Variants in MAN1B1 observed in about 807,000 individuals in gnomAD.
The protein encoded by MAN1B1 is endoplasmic reticulum mannosyl-oligosaccharide 1,2-alpha-mannosidase.
MAN1B1 carries 66 observed loss-of-function variants against 75.5 expected under a neutral mutation model. The observed-to-expected ratio is 0.87, with a 90% CI of 0.72 to 1.07. The LOEUF (loss-of-function observed/expected upper bound fraction) is 1.07, where lower values mean the gene tolerates loss of function less well. Among genes scored for constraint, MAN1B1 ranks in the 50% least tolerant of loss-of-function variants. The probability of loss-of-function intolerance (pLI) is 0.00; values close to 1 mark genes in which losing one functional copy is unlikely to be tolerated. For missense variants in MAN1B1, 973 were observed against 912.5 expected (o/e 1.07, Z -0.85); for synonymous variants, 453 against 382.8 (o/e 1.18, Z -2.14).
rs1038179177 is a variant in MAN1B1, at chr9:137,101,116, A to G, written c.1028A>G (p.Tyr343Cys). 3.1e-6 allele frequency: 5 copies of G among 1,614,086 alleles called. No homozygotes were observed. Among genetic ancestry groups the G allele is most frequent in the East Asian group, 4.5e-5 (2 of 44,890 alleles). The change falls in exon 7 of 13, where the codon TAC becomes TGC. Residue 343 changes from tyrosine to cysteine, a missense_variant. Physicochemically the swap from Tyr to Cys is radical, Grantham distance 194. Transcript: ENST00000371589. ...IRILGGLLSA[Y>C]HLSGDSLFLR... ...ATCCTGGGGGGGCTCCTGAGTGCCT[A>G]CCACCTGTCTGGGGACAGCCTCTTC...
At chr9:137,096,987 G>A (rs1830668952) in intron 4 of MAN1B1, among the ~76,000 whole-genome samples, 2 of 152,258 alleles carry the variant, frequency 1.3e-5, no homozygotes, top group South Asian at 4.1e-4. Context: ...GGGCTGCTGT[G>A]CAGGAGTGGC....
chr9:137,108,571 C>T lies in MAN1B1; in HGVS notation c.2080C>T (p.Pro694Ser). The change falls in exon 13 of 13, where the codon CCT becomes TCT. Residue 694 changes from proline (P) to serine (S), a missense_variant. By Grantham distance (74) the Pro-to-Ser change is moderately conservative. Transcript: ENST00000371589. The part of the protein sequence containing the change: ...YVFNTEAHPL[P>S]IWTPA Reference sequence around the variant, plus strand: ...GTTCAACACCGAAGCCCACCCTCTGCCTATCTGGACCCCTGCCTAGGGTGG... The same window carrying T: ...GTTCAACACCGAAGCCCACCCTCTGTCTATCTGGACCCCTGCCTAGGGTGG... The T allele has an allele frequency of 6.2e-7, 1 of 1,613,828 alleles. No homozygotes were observed. The highest frequency in any genetic ancestry group is 1.6e-4 in the Middle Eastern group (1 of 6,062).
chr9:137,099,139 T>A (rs930212736), intron 5 of MAN1B1, among the ~76,000 whole-genome samples: 2 of 152,010 alleles, frequency 1.3e-5, no homozygotes, highest in African/African-American at 4.8e-5. Context: ...CAAAAAAATT[T>A]AAAAAAAGGG....
intron 2 of MAN1B1, chr9:137,088,455 C>A: frequency 6.6e-7 from 1 of 1,525,628 alleles, no homozygotes; most frequent in Non-Finnish European, 8.8e-7. Flanking sequence ...TGGGCTTGAA[C>A]ACTCAGCCTA....
At chr9:137,101,895 A>T (rs111528808) in intron 8 of MAN1B1, 1 of 497,784 alleles carries the variant, frequency 2.0e-6, no homozygotes, top group Non-Finnish European at 3.4e-6. Flanking sequence ...ACACATTCAC[A>T]CTGTTGCAGG....
chr9:137,103,559 GGT>G (rs1830976653), intron 8 of MAN1B1: 1 of 445,992 alleles, frequency 2.2e-6, no homozygotes, highest in African/African-American at 2.0e-5. Context: ...CGTGCAGGTT[GGT>G]GTTACACACA....
In MAN1B1 at chr9:137,097,829, T is replaced by C. The variant is rs1412932613; in HGVS notation, c.622T>C (p.Trp208Arg). Residue 208 changes from tryptophan (W) to arginine (R), a missense_variant and splice_region_variant, in exon 5 of 13, where the codon TGG (tryptophan) becomes CGG (arginine). Trp to Arg is a moderately radical substitution (Grantham distance 101). Coordinates refer to ENST00000371589, the MANE Select transcript of MAN1B1 (RefSeq NM_016219.5). ...GACACCCTTCCTTCTCCCCCGAAGC[T>C]GGAGGGGAGCGGTGATCGAGCCTGA... ...EGDPQRTVIS[W>R]RGAVIEPEQG... The C allele has an allele frequency of 7.1e-6, 11 of 1,552,654 alleles. No homozygotes were observed. Among genetic ancestry groups the C allele is most frequent in the Non-Finnish European group, 9.6e-6 (11 of 1,147,810 alleles).
chr9:137,108,704 G>A lies in MAN1B1; in HGVS notation c.*113G>A, dbSNP rs762819985. On this transcript the variant is annotated 3_prime_UTR_variant, in exon 13 of 13. Coordinates refer to ENST00000371589, the MANE Select transcript of MAN1B1 (RefSeq NM_016219.5). ...GCAACCGCCAAGTGGCCCAGGCTCT[G>A]AACTGGCTCTGGGCTCCTCCTCGTC... 74 of 987,680 alleles carry A rather than the reference G, an allele frequency of 7.5e-5. No homozygotes were observed. Among genetic ancestry groups the A allele is most frequent in the Non-Finnish European group, 1.1e-4 (67 of 620,382 alleles). The allele number at this position is 987,680 out of a possible 1,614,324, so 61.2% of individuals were successfully genotyped here.
chr9:137,089,688 G>A (rs1229262732), intron 3 of MAN1B1, among the ~76,000 whole-genome samples: 1 of 152,224 alleles, frequency 6.6e-6, no homozygotes, highest in African/African-American at 2.4e-5. Context: ...TGCTCTGGCT[G>A]GGTGGAGACA....
At chr9:137,107,927 G>T in intron 12 of MAN1B1, 2 of 645,740 alleles carry the variant, frequency 3.1e-6, no homozygotes, top group Non-Finnish European at 5.6e-6. Flanking sequence ...GTCTAGGGAG[G>T]GTCTCTGCTG....
At position 137,109,143 on chromosome 9, in the gene MAN1B1, A is replaced by G. The variant is rs1351085710; in HGVS notation, c.*552A>G. The G allele has an allele frequency of 2.2e-6, 1 of 454,508 alleles. No homozygotes were observed. The highest frequency in any genetic ancestry group is 2.0e-5 in the African/African-American group (1 of 49,972). 28.2% of individuals were successfully genotyped at this position (454,508 alleles called of 1,614,324 possible). A position where few individuals can be genotyped will look rare whatever the true frequency, so the allele number is the denominator to read the frequency against. On this transcript the variant is annotated 3_prime_UTR_variant, in exon 13 of 13. Coordinates refer to ENST00000371589, the MANE Select transcript of MAN1B1 (RefSeq NM_016219.5). ...TCTAGCTCACGGGCCCCTCCAGTGG[A>G]ATGGGTCTTTTCGGTGGAGATAAAA...
In MAN1B1 at chr9:137,106,719, G is replaced by A; in HGVS notation, c.1476G>A (p.Glu492=). The change falls in exon 10 of 13, where the codon GAG becomes GAA. Residue 492 remains glutamate, a synonymous_variant. Transcript: ENST00000371589. ...QLLEDYVEAI[E]GVRTHLLRHS... is the part of the protein sequence containing the mutation. ...TGGAAGACTACGTGGAAGCCATCGA[G>A]GGTGTCAGAACGCACCTGCTGCGGC... is the stretch of plus-strand genomic sequence containing the variant. The A allele has an allele frequency of 6.2e-7, 1 of 1,613,522 alleles. No homozygotes were observed. Among genetic ancestry groups the A allele is most frequent in the Non-Finnish European group, 8.5e-7 (1 of 1,180,010 alleles).
In MAN1B1 at chr9:137,102,884, T is replaced by A. The variant is rs1324793301; in HGVS notation, c.1254+1212T>A. 8 of 417,806 alleles carry A rather than the reference T, an allele frequency of 1.9e-5. No homozygotes were observed. In the Admixed American group the frequency reaches 2.2e-4, roughly 11 times the overall value. The allele number at this position is 417,806 out of a possible 1,614,324, so 25.9% of individuals were successfully genotyped here. A position where few individuals can be genotyped will look rare whatever the true frequency, so the allele number is the denominator to read the frequency against. ...GGTCGGTGGTGTTACATTCATGCTGTTGCAGGCGTGCAGGTCAGTGGTGTT... is the reference window on the plus strand; with the variant it reads ...GGTCGGTGGTGTTACATTCATGCTGATGCAGGCGTGCAGGTCAGTGGTGTT... On this transcript the variant is annotated intron_variant, in intron 8 of 12. Coordinates refer to ENST00000371589, the MANE Select transcript of MAN1B1 (RefSeq NM_016219.5).
intron 8 of MAN1B1, 82 bp downstream of exon 8, chr9:137,101,754 T>C: frequency 6.9e-7 from 1 of 1,441,416 alleles, no homozygotes; most frequent in Non-Finnish European, 9.5e-7. Context: ...TGTGTGTGTG[T>C]GTATGTGCAT....
chr9:137,100,269 C>T (rs779512258), intron 6 of MAN1B1, among the ~76,000 whole-genome samples: 6 of 152,270 alleles, frequency 3.9e-5, no homozygotes, highest in African/African-American at 1.2e-4. Context: ...TATGTGTCTT[C>T]GGTTATTTAA....
chr9:137,103,228 ATTC>A (rs1830948199), intron 8 of MAN1B1: 2 of 407,082 alleles, frequency 4.9e-6, no homozygotes, highest in African/African-American at 2.9e-5. Context: ...TGTTACACAC[ATTC>A]ATGGTGTTGC....
At position 137,103,739 on chromosome 9, in the gene MAN1B1, T is replaced by C. The variant is rs1588636830; in HGVS notation, c.1254+2067T>C. On this transcript the variant is annotated intron_variant, in intron 8 of 12. Coordinates refer to ENST00000371589, the MANE Select transcript of MAN1B1 (RefSeq NM_016219.5). The stretch of plus-strand genomic sequence containing the variant: ...GTCCGTGGTGTTACACACATGCTGT[T>C]GCAGGCGTGCAGGTCGGTGGTGTTA... The C allele has an allele frequency of 8.9e-6, 4 of 449,944 alleles. No homozygotes were observed. The East Asian group carries it at 2.9e-4, about 32-fold the overall frequency. 27.9% of individuals were successfully genotyped at this position (449,944 alleles called of 1,614,324 possible).
At chr9:137,107,746 C>A in intron 12 of MAN1B1, 84 bp downstream of exon 12, 1 of 1,598,840 alleles carries the variant, frequency 6.3e-7, no homozygotes, top group Middle Eastern at 1.7e-4. Flanking sequence ...TGGCTCCGCT[C>A]TTGGTGGTGG....
intron 8 of MAN1B1, chr9:137,105,616 G>T: frequency 3.1e-6 from 1 of 319,432 alleles, no homozygotes; most frequent in Non-Finnish European, 6.0e-6. Context: ...AGGACGCCTG[G>T]TGCTGCCAGC....
Sources: allele counts gnomAD v4.1 joint callset (sites outside exome capture counted in the v4.1 genomes callset), GRCh38; gene constraint gnomAD v4.1.1; transcripts MANE v1.5; gene names NCBI Gene and HGNC (gene_info 2026-07-23, HGNC 2026-07-21).